Variants in TNS3 observed in about 807,000 individuals in gnomAD.
TNS3 encodes the protein tensin-3.
TNS3 carries 45 observed loss-of-function variants against 140.9 expected under a neutral mutation model. The ratio of observed to expected loss-of-function variants is 0.32; its 90% CI spans 0.25 to 0.41. TNS3 has a LOEUF of 0.41. TNS3 is among the 10% of genes least tolerant of loss of function. The pLI, the probability that TNS3 is intolerant of heterozygous loss-of-function variation, is 1.00. For missense variants in TNS3, 1,716 were observed against 1,906.7 expected, an observed-to-expected ratio of 0.90 and a Z score of 1.86; for synonymous variants, 815 against 788.4, an observed-to-expected ratio of 1.03 and a Z score of -0.56.
chr7:47,330,294 C>A (rs1190701290), intron 20 of TNS3, among the ~76,000 whole-genome samples: 1 of 152,210 alleles, frequency 6.6e-6, no homozygotes, highest in Non-Finnish European at 1.5e-5. Flanking sequence ...CAGGTCTCCT[C>A]TCAGAAACAC....
chr7:47,579,374 C>T (rs1482835375), intron 1 of TNS3: 1 of 152,098 alleles, frequency 6.6e-6, no homozygotes, highest in Non-Finnish European at 1.5e-5. Flanking sequence ...CCCATGATAG[C>T]TCCTGCTGCA....
chr7:47,348,351 G>A lies in TNS3; in HGVS notation c.2282-1995C>T, dbSNP rs1009128497. ...TCAAGGGAAATCATTCCACCAGGGA[G>A]GACCTATCTTTGGAGAGCACCAGGA... On this transcript the variant is annotated intron_variant, in intron 17 of 30. Coordinates refer to ENST00000311160, the MANE Select transcript of TNS3 (RefSeq NM_022748.12). 2.6e-5 allele frequency among the ~76,000 whole-genome samples: 4 copies of A among 152,236 alleles called. No individual in the cohort carries two copies. In the East Asian group the frequency reaches 5.8e-4, roughly 22 times the overall value.
intron 15 of TNS3, 57 bp from the exon 16 acceptor site, chr7:47,396,961 A>C (rs2177795): frequency 0.94 from 1,225,266 of 1,305,936 alleles, 575,824 homozygotes; most frequent in East Asian, 1. Context: ...CCTCCATCCA[A>C]CCGACTCCAC....
chr7:47,372,512 G>C (rs1791133227), intron 16 of TNS3, among the ~76,000 whole-genome samples: 1 of 152,214 alleles, frequency 6.6e-6, no homozygotes. Context: ...AGAAGGCCCT[G>C]TACCAAATGG....
Position 47,413,688 on chromosome 7 carries a change from T to G in TNS3, c.647+249A>C, listed in dbSNP as rs562318460. ...TCCCCTCAAAATTCCAGCCCCCACG[T>G]CCTTTAATGGAGCCAACTAGTGTGA... On this transcript the variant is annotated intron_variant, in intron 12 of 30. Coordinates refer to ENST00000311160, the MANE Select transcript of TNS3 (RefSeq NM_022748.12). 1.8e-4 allele frequency among the ~76,000 whole-genome samples: 27 copies of G among 152,014 alleles called. No homozygotes were observed. In the South Asian group the frequency reaches 5.6e-3, roughly 32 times the overall value.
At chr7:47,520,686 G>C (rs61531546) in intron 2 of TNS3, among the ~76,000 whole-genome samples, 2 of 152,146 alleles carry the variant, frequency 1.3e-5, no homozygotes, top group South Asian at 4.1e-4. Flanking sequence ...GCTTCCCATC[G>C]GATAACCACC....
chr7:47,350,917 G>T (rs1340201215), intron 17 of TNS3, among the ~76,000 whole-genome samples: 1 of 152,224 alleles, frequency 6.6e-6, no homozygotes, highest in Non-Finnish European at 1.5e-5. Context: ...AGTGGGCAAA[G>T]ATGCATGTGT....
chr7:47,302,133 C>T (rs780227520), intron 23 of TNS3, 53 bp downstream of exon 23: 25 of 1,472,950 alleles, frequency 1.7e-5, no homozygotes, highest in Middle Eastern at 3.5e-4. Flanking sequence ...CACAAGGCAG[C>T]GAAGCGGGCA....
intron 17 of TNS3, among the ~76,000 whole-genome samples, chr7:47,360,055 A>C (rs921180124): frequency 1.3e-5 from 2 of 152,208 alleles, no homozygotes; most frequent in Non-Finnish European, 1.5e-5. Flanking sequence ...GGCAAATGGA[A>C]AGCTTCATCA....
intron 1 of TNS3, among the ~76,000 whole-genome samples, chr7:47,538,336 G>A (rs944512228): frequency 6.6e-6 from 1 of 152,126 alleles, no homozygotes; most frequent in Non-Finnish European, 1.5e-5. Context: ...GGTGGGCAGC[G>A]GAAGAGACCC....
intron 23 of TNS3, among the ~76,000 whole-genome samples, chr7:47,300,909 G>C (rs941189350): frequency 7.9e-5 from 12 of 152,284 alleles, no homozygotes; most frequent in Admixed American, 5.2e-4. Context: ...GTCTTTCCAG[G>C]CCACAGGCTT....
At chr7:47,548,738 C>T (rs1021884111) in intron 1 of TNS3, among the ~76,000 whole-genome samples, 3 of 152,082 alleles carry the variant, frequency 2.0e-5, no homozygotes, top group South Asian at 2.1e-4. Context: ...ACCTGTCTGC[C>T]GGCTGATGGT....
intron 3 of TNS3, among the ~76,000 whole-genome samples, chr7:47,483,953 A>C (rs1254641175): frequency 1.3e-5 from 2 of 152,264 alleles, no homozygotes; most frequent in African/African-American, 4.8e-5. Flanking sequence ...CACAGAGCTT[A>C]CGGCTCACGT....
intron 3 of TNS3, among the ~76,000 whole-genome samples, chr7:47,488,873 A>G (rs879357424): frequency 6.6e-6 from 1 of 152,100 alleles, no homozygotes; most frequent in Non-Finnish European, 1.5e-5. Context: ...GTGCCTGGGG[A>G]CAGGGGGCTA....
At chr7:47,314,220 G>A (rs367770961) in intron 20 of TNS3, among the ~76,000 whole-genome samples, 4 of 152,226 alleles carry the variant, frequency 2.6e-5, no homozygotes, top group African/African-American at 4.8e-5. Context: ...GACTGGGACT[G>A]CAGACAGCAA....
At chr7:47,575,455 A>G (rs1336950304) in intron 1 of TNS3, among the ~76,000 whole-genome samples, 1 of 152,220 alleles carries the variant, frequency 6.6e-6, no homozygotes, top group African/African-American at 2.4e-5. Flanking sequence ...TATCTTTTCC[A>G]AGTCTACAAT....
intron 16 of TNS3, among the ~76,000 whole-genome samples, chr7:47,382,120 G>C (rs1480259645): frequency 2.2e-4 from 33 of 152,220 alleles, no homozygotes; most frequent in Admixed American, 2.2e-3. Context: ...TGCAAGAAAA[G>C]CAACGGCCAA....
chr7:47,495,399 C>A (rs1394330397), intron 3 of TNS3, among the ~76,000 whole-genome samples: 1 of 152,114 alleles, frequency 6.6e-6, no homozygotes, highest in Admixed American at 6.5e-5. Context: ...GAGAGGGCAG[C>A]GTCTGGGGCA....
chr7:47,285,702 C>T (rs1785383458), intron 27 of TNS3, among the ~76,000 whole-genome samples: 1 of 152,176 alleles, frequency 6.6e-6, no homozygotes, highest in African/African-American at 2.4e-5. Flanking sequence ...ACCTAGTGGT[C>T]CCGCTTCTGA....
Sources: allele counts gnomAD v4.1 joint callset (sites outside exome capture counted in the v4.1 genomes callset), GRCh38; gene constraint gnomAD v4.1.1; transcripts MANE v1.5; gene names NCBI Gene and HGNC (gene_info 2026-07-23, HGNC 2026-07-21).